Variants in NRXN3 observed in about 807,000 individuals in gnomAD.
The protein encoded by NRXN3 is neurexin III.
A neutral mutation model predicts 137.6 loss-of-function variants in NRXN3; 32 were observed. That is an observed-to-expected ratio of 0.23 (90% CI 0.18 to 0.31). NRXN3 has a LOEUF of 0.31. NRXN3 is among the 10% of genes least tolerant of loss of function. NRXN3 has a pLI of 1.00. For missense variants in NRXN3, 1,574 were observed against 2,062.5 expected (o/e 0.76, Z 4.59); for synonymous variants, 798 against 784.5 (o/e 1.02, Z -0.29).
At chr14:79,469,740 G>A (rs1278595901) in intron 16 of NRXN3, among the ~76,000 whole-genome samples, 2 of 152,096 alleles carry the variant, frequency 1.3e-5, no homozygotes, top group African/African-American at 4.8e-5. Context: ...TATGCTGTGG[G>A]GAATCTGTGT....
At chr14:79,552,736 C>T (rs1050744956) in intron 16 of NRXN3, among the ~76,000 whole-genome samples, 1 of 152,144 alleles carries the variant, frequency 6.6e-6, no homozygotes, top group East Asian at 1.9e-4. Flanking sequence ...CACTATGGGG[C>T]AGGTGATGAC....
At chr14:79,001,115 G>T (rs919781062) in intron 15 of NRXN3, among the ~76,000 whole-genome samples, 3 of 152,116 alleles carry the variant, frequency 2.0e-5, no homozygotes, top group African/African-American at 7.2e-5. Flanking sequence ...TTGTCACATG[G>T]AATCTTTTGG....
chr14:78,362,682 G>A (rs1002316845), intron 4 of NRXN3, among the ~76,000 whole-genome samples: 1 of 152,110 alleles, frequency 6.6e-6, no homozygotes, highest in Non-Finnish European at 1.5e-5. Flanking sequence ...ATAAGAATTT[G>A]GTTTTGTTTT....
intron 10 of NRXN3, among the ~76,000 whole-genome samples, chr14:78,851,158 T>C (rs2099041477): frequency 6.6e-6 from 1 of 152,168 alleles, no homozygotes; most frequent in African/African-American, 2.4e-5. Context: ...GAATTTATTA[T>C]CAAAATACAC....
intron 17 of NRXN3, among the ~76,000 whole-genome samples, chr14:79,683,809 A>T (rs1170601253): frequency 6.6e-6 from 1 of 152,176 alleles, no homozygotes; most frequent in Non-Finnish European, 1.5e-5. Flanking sequence ...ATGTTTCCAT[A>T]GAACTTCTTA....
intron 15 of NRXN3, among the ~76,000 whole-genome samples, chr14:79,080,925 A>G (rs1184726872): frequency 6.6e-6 from 1 of 152,204 alleles, no homozygotes; most frequent in African/African-American, 2.4e-5. Flanking sequence ...TATACATTAT[A>G]TAATCCGGTG....
intron 16 of NRXN3, among the ~76,000 whole-genome samples, chr14:79,475,359 G>C (rs2096550507): frequency 6.6e-6 from 1 of 152,066 alleles, no homozygotes; most frequent in African/African-American, 2.4e-5. Flanking sequence ...AGAGCCCTTA[G>C]ACTGTTAGTT....
chr14:79,800,363 A>T (rs572378759), intron 19 of NRXN3, among the ~76,000 whole-genome samples: 82 of 152,336 alleles, frequency 5.4e-4, no homozygotes, highest in African/African-American at 1.9e-3. Flanking sequence ...TACTAAATTA[A>T]TGTGAATTAA....
intron 16 of NRXN3, 48 bp downstream of exon 16, chr14:79,467,450 G>C (rs781689647): frequency 4.0e-6 from 6 of 1,502,108 alleles, no homozygotes; most frequent in Admixed American, 1.9e-5. Context: ...CTGGTGGTCT[G>C]AGTTAGTGAT....
intron 15 of NRXN3, among the ~76,000 whole-genome samples, chr14:79,325,754 G>A (rs184505252): frequency 3.9e-5 from 6 of 152,244 alleles, no homozygotes; most frequent in Non-Finnish European, 8.8e-5. Flanking sequence ...AGCATGCAGC[G>A]CTGTAGGCAA....
chr14:78,212,527 T>C (rs2062848276), intron 1 of NRXN3, among the ~76,000 whole-genome samples: 1 of 152,178 alleles, frequency 6.6e-6, no homozygotes, highest in South Asian at 2.1e-4. Flanking sequence ...TTCATGTGGG[T>C]TCTGGTTGTG....
At chr14:78,290,378 T>A (rs1299722068) in intron 3 of NRXN3, among the ~76,000 whole-genome samples, 1 of 152,174 alleles carries the variant, frequency 6.6e-6, no homozygotes, top group Non-Finnish European at 1.5e-5. Context: ...GATCCAAATG[T>A]GGAGCAGGCC....
chr14:78,737,052 C>T (rs1439354439), intron 8 of NRXN3, among the ~76,000 whole-genome samples: 1 of 152,176 alleles, frequency 6.6e-6, no homozygotes, highest in Non-Finnish European at 1.5e-5. Flanking sequence ...CCCCTTCCTC[C>T]TTCCCTTCCT....
rs76655498 is a variant in NRXN3 at position 79,728,002 on chromosome 14, T to C, written c.4014+30065T>C. Among the ~76,000 whole-genome samples, 699 of 152,236 alleles carry C rather than the reference T, an allele frequency of 4.6e-3. 5 individuals are homozygous for C. Among genetic ancestry groups the C allele is most frequent in the African/African-American group, 0.016 (680 of 41,540 alleles). On this transcript the variant is annotated intron_variant, in intron 19 of 20. Coordinates refer to ENST00000335750, the MANE Select transcript of NRXN3 (RefSeq NM_001330195.2). ...ACCTCTTGGCAGTAAAAGTGGACTA[T>C]TAACTCTCAAATTGCTGGCCTCTAC... is the stretch of plus-strand genomic sequence containing the variant.
At position 79,742,361 on chromosome 14, in the gene NRXN3, T is replaced by C. The variant is rs373715642; in HGVS notation, c.4014+44424T>C. Among the ~76,000 whole-genome samples the C allele has an allele frequency of 8.5e-5, 13 of 152,288 alleles. No individual in the cohort carries two copies. The East Asian group carries it at 1.9e-3, about 23-fold the overall frequency. ...ACCTCGATTCATTTGCTGCATAATTTACCATAATGATAATTAACTCCTTGT... is the reference window on the plus strand; with the variant it reads ...ACCTCGATTCATTTGCTGCATAATTCACCATAATGATAATTAACTCCTTGT... On this transcript the variant is annotated intron_variant, in intron 19 of 20. Transcript: ENST00000335750.
Position 79,365,739 on chromosome 14 carries a change from A to AG in NRXN3, c.3263-101482_3263-101481insG, listed in dbSNP as rs1381695320. Among the ~76,000 whole-genome samples the AG allele has an allele frequency of 2.8e-4, 41 of 144,878 alleles. 2 individuals are homozygous for AG. The highest frequency in any genetic ancestry group is 1.7e-3 in the Admixed American group (25 of 14,444). On this transcript the variant is annotated intron_variant, in intron 15 of 20. Coordinates refer to ENST00000335750, the MANE Select transcript of NRXN3 (RefSeq NM_001330195.2). ...AGACTCTGTCTCAAAAAAAAAAAAA[A>AG]AAAAAGAAAAAAAAGAAGAGTTTTA...
intron 4 of NRXN3, among the ~76,000 whole-genome samples, chr14:78,415,679 A>G (rs1205280061): frequency 2.0e-5 from 3 of 152,158 alleles, no homozygotes; most frequent in Middle Eastern, 3.2e-3. Flanking sequence ...TGAAATTGCT[A>G]TGTCGAAGCC....
In NRXN3 at chr14:79,467,099, A is replaced by C. The variant is rs1388168401; in HGVS notation, c.3263-122A>C. 4 of 932,236 alleles carry C rather than the reference A, an allele frequency of 4.3e-6. No individual in the cohort carries two copies. The African/African-American group carries it at 6.7e-5, about 16-fold the overall frequency. The allele number at this position is 932,236 out of a possible 1,614,324, so 57.7% of individuals were successfully genotyped here. ...GGGAGCCGTTCCTCTCAGTAACCAA[A>C]TACTGTCCCATGGGGGACATTTCCT... On this transcript the variant is annotated intron_variant, in intron 15 of 20. Coordinates refer to ENST00000335750, the MANE Select transcript of NRXN3 (RefSeq NM_001330195.2).
rs149808641 is a variant in NRXN3 at position 79,162,993 on chromosome 14, T to C, written c.3262+174852T>C. Among the ~76,000 whole-genome samples, 517 of 152,066 alleles carry C rather than the reference T, an allele frequency of 3.4e-3. 2 individuals are homozygous for C. Among genetic ancestry groups the C allele is most frequent in the African/African-American group, 0.012 (490 of 41,524 alleles). On this transcript the variant is annotated intron_variant, in intron 15 of 20. Transcript: ENST00000335750. Reference sequence around the variant, plus strand: ...CTCCCTTTCCTTCTCTTCCTTTTTTTCTTCTCTCTGTCTCTCTGCATGTGT... The same window carrying C: ...CTCCCTTTCCTTCTCTTCCTTTTTTCCTTCTCTCTGTCTCTCTGCATGTGT...
Sources: gnomAD v4.1 joint callset for allele counts (sites outside exome capture counted in the v4.1 genomes callset) on GRCh38, gnomAD v4.1.1 for gene constraint, MANE v1.5 for transcripts, NCBI Gene and HGNC (gene_info 2026-07-23, HGNC 2026-07-21) for gene names.